ITGA7: variants seen among roughly 807,000 people sequenced by gnomAD.
The protein encoded by ITGA7 is integrin subunit alpha 7.
In ITGA7, 84 loss-of-function variants were observed where a neutral mutation model predicts 131.6. The ratio of observed to expected loss-of-function variants is 0.64; its 90% CI spans 0.54 to 0.77. The LOEUF (loss-of-function observed/expected upper bound fraction) is 0.77, where lower values mean the gene tolerates loss of function less well. Among genes scored for constraint, ITGA7 ranks in the 30% least tolerant of loss-of-function variants. ITGA7 has a pLI of 0.00. For missense variants in ITGA7, 1,399 were observed against 1,482.9 expected (o/e 0.94, Z 0.93); for synonymous variants, 548 against 600.7 (o/e 0.91, Z 1.28).
upstream of ITGA7, among the ~76,000 whole-genome samples, chr12:55,711,616 G>A (rs1876126456): frequency 6.6e-6 from 1 of 152,098 alleles, no homozygotes; most frequent in South Asian, 2.1e-4. Context: ...GCAACAGAGT[G>A]AGACTCTGTC....
chr12:55,695,094 T>A, intron 14 of ITGA7, 124 bp from the exon 15 acceptor site: 1 of 936,792 alleles, frequency 1.1e-6, no homozygotes, highest in Middle Eastern at 2.5e-4. Flanking sequence ...CAGGTCCCCA[T>A]CACACCCGTC....
chr12:55,699,779 G>T, intron 5 of ITGA7, 91 bp downstream of exon 5: 1 of 1,455,266 alleles, frequency 6.9e-7, no homozygotes, highest in South Asian at 1.2e-5. Flanking sequence ...GGGGGAGGAG[G>T]AGATTATAAG....
At chr12:55,701,346 C>G in intron 3 of ITGA7, 192 bp from the exon 4 acceptor site, 1 of 1,554,838 alleles carries the variant, frequency 6.4e-7, no homozygotes. Context: ...TTACACAGGT[C>G]CATGCATAAC....
chr12:55,707,698 C>T lies in ITGA7; in HGVS notation c.-16G>A, dbSNP rs1175053937. 2.6e-6 allele frequency: 4 copies of T among 1,559,788 alleles called. No individual in the cohort carries two copies. The highest frequency in any genetic ancestry group is 3.5e-6 in the Non-Finnish European group (4 of 1,151,626). On this transcript the variant is annotated 5_prime_UTR_variant, in exon 1 of 25. Transcript: ENST00000257879. ...CCCCGGCCATGGGACGATCCCTGCG[C>T]GAGCTCCCAGCGAATGCAAGGGAAA... is the stretch of plus-strand genomic sequence containing the variant.
In ITGA7 at chr12:55,700,913, G is replaced by A. The variant is rs765610371; in HGVS notation, c.656C>T (p.Thr219Ile). The A allele has an allele frequency of 6.2e-7, 1 of 1,614,168 alleles. No individual in the cohort carries two copies. Among genetic ancestry groups the A allele is most frequent in the Non-Finnish European group, 8.5e-7 (1 of 1,180,016 alleles). Reference protein sequence around the residue: ...SHYLLFGAPGTYNWKGLLFVT... With the variant: ...SHYLLFGAPGIYNWKGLLFVT... The stretch of plus-strand genomic sequence containing the variant: ...GAGTGACTCACCCTTCCAATTATAG[G>A]TTCCTGGGGCCCCAAAGAGGAGGTA... Residue 219 changes from threonine to isoleucine, a missense_variant, in exon 4 of 25, where the codon ACC (threonine) becomes ATC (isoleucine). Coordinates refer to ENST00000257879, the MANE Select transcript of ITGA7 (RefSeq NM_002206.3).
Position 55,696,446 on chromosome 12 carries a change from G to T in ITGA7, c.1738-14C>A, listed in dbSNP as rs1479084884. 1 of 1,590,742 alleles carries T rather than the reference G, an allele frequency of 6.3e-7. No individual in the cohort carries two copies. The highest frequency in any genetic ancestry group is 1.1e-5 in the South Asian group (1 of 87,702). On this transcript the variant is annotated splice_polypyrimidine_tract_variant and intron_variant, in intron 12 of 24. Transcript: ENST00000257879. ...TTTGACATTTTCCTAGGAAGAGGAA[G>T]GTCTATTCCTCACTGGAACAATCCC...
At chr12:55,696,802 G>C in intron 12 of ITGA7, 97 bp downstream of exon 12, 1 of 1,390,078 alleles carries the variant, frequency 7.2e-7, no homozygotes, top group Non-Finnish European at 1.0e-6. Flanking sequence ...CTTAGAAGGA[G>C]GCACGAGTGT....
At chr12:55,716,181 C>T (rs764146127), upstream of ITGA7, 8 of 1,611,254 alleles carry the variant, frequency 5.0e-6, no homozygotes, top group Non-Finnish European at 5.9e-6. Flanking sequence ...GCAGAATGAA[C>T]GCAAGGAGCT....
chr12:55,710,616 A>G (rs1262589115), upstream of ITGA7, among the ~76,000 whole-genome samples: 1 of 151,998 alleles, frequency 6.6e-6, no homozygotes, highest in Non-Finnish European at 1.5e-5. Flanking sequence ...CATCTCTACA[A>G]AAAATAGAAA....
chr12:55,712,354 C>T (rs1462327385), upstream of ITGA7: 2 of 892,950 alleles, frequency 2.2e-6, no homozygotes, highest in Non-Finnish European at 1.8e-6. Context: ...CCAACCCCCT[C>T]TCTTGAAGCC....
intron 21 of ITGA7, among the ~76,000 whole-genome samples, 159 bp from the exon 22 acceptor site, chr12:55,689,116 C>A (rs1870903464): frequency 6.6e-6 from 1 of 152,202 alleles, no homozygotes; most frequent in Non-Finnish European, 1.5e-5. Flanking sequence ...CAAATCTGAG[C>A]TATTCAGCTT....
At chr12:55,711,454 G>A (rs1274506292), upstream of ITGA7, among the ~76,000 whole-genome samples, 3 of 151,490 alleles carry the variant, frequency 2.0e-5, no homozygotes, top group African/African-American at 7.3e-5. Context: ...CTCCAGCCTG[G>A]GGGACACAGT....
chr12:55,686,059 T>C (rs931779866), intron 24 of ITGA7: 2 of 409,376 alleles, frequency 4.9e-6, no homozygotes, highest in African/African-American at 4.2e-5. Flanking sequence ...ACCCTTCTAA[T>C]TACCTCTCAC....
chr12:55,695,531 G>T lies in ITGA7; in HGVS notation c.1994C>A (p.Pro665His). 1 of 1,609,358 alleles carries T rather than the reference G, an allele frequency of 6.2e-7. No individual in the cohort carries two copies. The highest frequency in any genetic ancestry group is 8.5e-7 in the Non-Finnish European group (1 of 1,175,960). ...CTRVSDTEFQ[P>H]LPMDVDGTTA... is the part of the protein sequence containing the mutation. The stretch of plus-strand genomic sequence containing the variant: ...TCTCTGCCCCCCTCACATGGGCAGA[G>T]GTTGGAATTCCGTGTCGCTGACCCG... The change falls in exon 14 of 25, where the codon CCT becomes CAT. Residue 665 changes from proline to histidine, a missense_variant. Physicochemically the swap from Pro to His is moderately conservative, Grantham distance 77. Coordinates refer to ENST00000257879, the MANE Select transcript of ITGA7 (RefSeq NM_002206.3).
At chr12:55,716,066 C>A, upstream of ITGA7, 1 of 1,563,726 alleles carries the variant, frequency 6.4e-7, no homozygotes, top group South Asian at 1.2e-5. Flanking sequence ...CCCCGGGGAG[C>A]CGAGGTGAGC....
chr12:55,701,813 T>A (rs1230096842), intron 3 of ITGA7, among the ~76,000 whole-genome samples: 1 of 152,156 alleles, frequency 6.6e-6, no homozygotes, highest in Non-Finnish European at 1.5e-5. Context: ...TACCTATTAT[T>A]AAAGCCTGGC....
upstream of ITGA7, among the ~76,000 whole-genome samples, chr12:55,713,687 TACAC>T (rs1341123357): frequency 2.0e-5 from 3 of 152,236 alleles, no homozygotes; most frequent in East Asian, 1.9e-4. Context: ...TTTAGACACA[TACAC>T]ACAGTATCTA....
At chr12:55,707,107 A>G (rs1441156080) in intron 1 of ITGA7, among the ~76,000 whole-genome samples, 1 of 152,150 alleles carries the variant, frequency 6.6e-6, no homozygotes, top group Non-Finnish European at 1.5e-5. Context: ...TCCCATTCTA[A>G]GCAGAGACAG....
intron 7 of ITGA7, 95 bp from the exon 8 acceptor site, chr12:55,698,121 T>C (rs968399017): frequency 8.3e-7 from 1 of 1,204,848 alleles, no homozygotes; most frequent in Non-Finnish European, 1.2e-6. Flanking sequence ...GTATGTTTTC[T>C]ATTTTATTGA....
Sources: allele counts gnomAD v4.1 joint callset (sites outside exome capture counted in the v4.1 genomes callset), GRCh38; gene constraint gnomAD v4.1.1; transcripts MANE v1.5; gene names NCBI Gene and HGNC (gene_info 2026-07-23, HGNC 2026-07-21).